FIRRM: variants seen among roughly 807,000 people sequenced by gnomAD.
The protein encoded by FIRRM is FIGNL1-interacting regulator of recombination and mitosis.
chr1:169,810,870 T>G, the FIRRM span, among the ~76,000 whole-genome samples: 1 of 106,348 alleles, frequency 9.4e-6, no homozygotes, highest in Middle Eastern at 7.2e-3. Flanking sequence ...TTTTTTTTTT[T>G]GAGACGGAGT....
the FIRRM span, among the ~76,000 whole-genome samples, chr1:169,807,147 G>C: frequency 6.6e-6 from 1 of 152,146 alleles, no homozygotes; most frequent in Non-Finnish European, 1.5e-5. Context: ...GTCTCATGCT[G>C]CTCTCCCTAC....
At chr1:169,840,376 G>T in the FIRRM span, among the ~76,000 whole-genome samples, 1 of 151,996 alleles carries the variant, frequency 6.6e-6, no homozygotes, top group East Asian at 1.9e-4. Context: ...TTTTCCATTT[G>T]TTTGTGTCAT....
At chr1:169,795,211 C>T in the FIRRM span, 4 of 1,535,930 alleles carry the variant, frequency 2.6e-6, no homozygotes, top group South Asian at 4.8e-5. Context: ...GCCCCGACTC[C>T]TCATATCCTT....
chr1:169,820,698 A>G, the FIRRM span, among the ~76,000 whole-genome samples: 115,502 of 152,074 alleles, frequency 0.76, 44,879 homozygotes, highest in African/African-American at 0.93. Flanking sequence ...AATCCTCTTC[A>G]TCACCTGGGT....
the FIRRM span, among the ~76,000 whole-genome samples, chr1:169,820,307 C>T: frequency 6.6e-6 from 1 of 152,218 alleles, no homozygotes; most frequent in Admixed American, 6.5e-5. Context: ...GTTCAGGCAG[C>T]ACTTGTCTGT....
the FIRRM span, among the ~76,000 whole-genome samples, chr1:169,787,882 TC>T: frequency 2.0e-5 from 3 of 151,900 alleles, no homozygotes; most frequent in Non-Finnish European, 4.4e-5. Flanking sequence ...TAGTTTTTTT[TC>T]ATGTTGATCA....
At chr1:169,808,475 A>G in the FIRRM span, among the ~76,000 whole-genome samples, 1 of 152,176 alleles carries the variant, frequency 6.6e-6, no homozygotes, top group Non-Finnish European at 1.5e-5. Context: ...ATTGGGAATT[A>G]TAACTCATTT....
chr1:169,809,834 A>G, the FIRRM span, among the ~76,000 whole-genome samples: 3 of 152,126 alleles, frequency 2.0e-5, no homozygotes, highest in African/African-American at 4.8e-5. Context: ...ATTAATATTT[A>G]TTTACCAATC....
At chr1:169,834,578 T>C in the FIRRM span, among the ~76,000 whole-genome samples, 1 of 152,154 alleles carries the variant, frequency 6.6e-6, no homozygotes, top group Non-Finnish European at 1.5e-5. Context: ...CATTTAGTCC[T>C]TACAGCAGCC....
At chr1:169,851,373 C>T in the FIRRM span, 221 of 153,464 alleles carry the variant, frequency 1.4e-3, no homozygotes, top group African/African-American at 5.1e-3. Flanking sequence ...GACAGAGTCT[C>T]GCTCTGTCGC....
chr1:169,843,969 A>G, the FIRRM span, among the ~76,000 whole-genome samples: 2 of 152,000 alleles, frequency 1.3e-5, no homozygotes, highest in Non-Finnish European at 2.9e-5. Context: ...TTCAGCCTTT[A>G]TCTGTTCTTC....
chr1:169,785,173 G>A, the FIRRM span, among the ~76,000 whole-genome samples: 8 of 152,180 alleles, frequency 5.3e-5, no homozygotes, highest in African/African-American at 9.7e-5. Context: ...TCTCTGCTGC[G>A]CCACCATGAG....
the FIRRM span, among the ~76,000 whole-genome samples, chr1:169,810,834 ATTTTTTTTTTTTTTT>A: frequency 1.2e-3 from 71 of 61,212 alleles, 2 homozygotes; most frequent in East Asian, 0.017. Flanking sequence ...TTAGCCCCCA[ATTTTTTTTTTTTTTT>A]TTTTTTTTTT....
the FIRRM span, among the ~76,000 whole-genome samples, chr1:169,787,180 G>T: frequency 6.6e-6 from 1 of 152,112 alleles, no homozygotes; most frequent in Non-Finnish European, 1.5e-5. Flanking sequence ...AGGGTGCAGT[G>T]TGCAGTGTGC....
the FIRRM span, chr1:169,837,150 A>G: frequency 6.6e-7 from 1 of 1,521,844 alleles, no homozygotes; most frequent in East Asian, 2.4e-5. Flanking sequence ...TTCATTCAGC[A>G]GCTGTTTATT....
At chr1:169,795,096 C>G in the FIRRM span, 1 of 1,534,558 alleles carries the variant, frequency 6.5e-7, no homozygotes, top group South Asian at 1.2e-5. Flanking sequence ...TCCTGTTTGA[C>G]GAAAGTATGT....
the FIRRM span, chr1:169,827,115 G>A: frequency 6.2e-7 from 1 of 1,613,798 alleles, no homozygotes; most frequent in Non-Finnish European, 8.5e-7. Context: ...AATAGCAGGT[G>A]CTTTCCTAGT....
the FIRRM span, among the ~76,000 whole-genome samples, chr1:169,807,472 A>G: frequency 1.3e-5 from 2 of 152,184 alleles, no homozygotes; most frequent in Non-Finnish European, 2.9e-5. Context: ...ATTCTCTCTC[A>G]TGCTAGACCA....
chr1:169,816,008 A>G, the FIRRM span, among the ~76,000 whole-genome samples: 2 of 152,198 alleles, frequency 1.3e-5, no homozygotes, highest in Non-Finnish European at 2.9e-5. Flanking sequence ...GGCCATTCAT[A>G]ACTCTCAATT....
Sources: gnomAD v4.1 joint callset for allele counts (sites outside exome capture counted in the v4.1 genomes callset) on GRCh38, gnomAD v4.1.1 for gene constraint, MANE v1.5 for transcripts, NCBI Gene and HGNC (gene_info 2026-07-23, HGNC 2026-07-21) for gene names.